The following DNAH1 variants were observed in gnomAD, a reference collection of about 807,000 sequenced individuals.
DNAH1 encodes axonemal beta dynein heavy chain 1.
DNAH1 carries 327 observed loss-of-function variants against 484.3 expected under a neutral mutation model. The observed-to-expected ratio is 0.68, with a 90% CI of 0.62 to 0.74. DNAH1 has a LOEUF of 0.74. Among genes scored for constraint, DNAH1 ranks in the 30% least tolerant of loss-of-function variants. The pLI, the probability that DNAH1 is intolerant of heterozygous loss-of-function variation, is 0.00. For missense variants in DNAH1, 5,052 were observed against 5,546.8 expected, an observed-to-expected ratio of 0.91 and a Z score of 2.83; for synonymous variants, 2,192 against 2,191.9, an observed-to-expected ratio of 1.00 and a Z score of 0.00.
At chr3:52,322,366 CAG>C in intron 1 of DNAH1, 41 bp from the exon 2 acceptor site, 1 of 1,414,526 alleles carries the variant, frequency 7.1e-7, no homozygotes, top group Non-Finnish European at 9.6e-7. Flanking sequence ...GGGGCTAAGA[CAG>C]AGGCTGGCAA....
intron 36 of DNAH1, among the ~76,000 whole-genome samples, chr3:52,367,643 C>T (rs538578446): frequency 5.0e-4 from 76 of 151,984 alleles, no homozygotes; most frequent in Non-Finnish European, 8.8e-4. Context: ...GGCGCCATCT[C>T]GGCTCACCGC....
At position 52,360,431 on chromosome 3, in the gene DNAH1, G is replaced by A. The variant is rs759042521; in HGVS notation, c.4685+7G>A. 13 of 1,610,178 alleles carry A rather than the reference G, an allele frequency of 8.1e-6. No individual in the cohort carries two copies. The highest frequency in any genetic ancestry group is 4.4e-5 in the South Asian group (4 of 90,856). On this transcript the variant is annotated splice_region_variant and intron_variant, in intron 28 of 77. Coordinates refer to ENST00000420323, the MANE Select transcript of DNAH1 (RefSeq NM_015512.5). The stretch of plus-strand genomic sequence containing the variant: ...TCACGCCCCTCACCGACAGGTAAGC[G>A]TTCCCCTCTTGCTCCTTCCCACACT...
chr3:52,374,050 A>G (rs1002323943), intron 44 of DNAH1: 4 of 1,014,576 alleles, frequency 3.9e-6, no homozygotes, highest in Admixed American at 1.7e-5. Flanking sequence ...AGAAGTTTGT[A>G]TTGCAGCTTT....
rs1465711189 is a variant in DNAH1, at chr3:52,345,562, C to G, written c.1512C>G (p.Leu504=). The change falls in exon 10 of 78, where the codon CTC becomes CTG. Residue 504 remains leucine (L), a synonymous_variant. Transcript: ENST00000420323. ...AGGACTTCACTTTCGTGTCCCTGCT[C>G]ACACGGCCAGAGGTCATCACGGCCC... The part of the protein sequence containing the change: ...QKEDFTFVSL[L]TRPEVITALS... 6.3e-7 allele frequency: 1 copy of G among 1,595,268 alleles called. No individual in the cohort carries two copies. The highest frequency in any genetic ancestry group is 2.3e-5 in the East Asian group (1 of 43,936).
intron 58 of DNAH1, 49 bp from the exon 59 acceptor site, chr3:52,388,757 G>T (rs369193958): frequency 1.2e-6 from 2 of 1,608,852 alleles, no homozygotes; most frequent in East Asian, 4.5e-5. Flanking sequence ...CCAGCCCCAG[G>T]CCCCTAGCCC....
chr3:52,371,328 C>A (rs1703330708), intron 41 of DNAH1, among the ~76,000 whole-genome samples: 2 of 152,270 alleles, frequency 1.3e-5, no homozygotes, highest in Non-Finnish European at 2.9e-5. Context: ...GAGACCTGTC[C>A]ATTACTGTGC....
intron 60 of DNAH1, among the ~76,000 whole-genome samples, chr3:52,390,625 C>T (rs1238075192): frequency 6.6e-6 from 1 of 152,114 alleles, no homozygotes; most frequent in East Asian, 1.9e-4. Flanking sequence ...GGCAAGAGGA[C>T]AAAAAGGCAC....
At chr3:52,348,863 C>T (rs1339254788) in intron 12 of DNAH1, 25 bp from the exon 13 acceptor site, 1 of 1,607,854 alleles carries the variant, frequency 6.2e-7, no homozygotes, top group East Asian at 2.2e-5. Context: ...CCAGGTCTGC[C>T]CTGCCACATG....
chr3:52,373,159 A>G (rs560713251), intron 44 of DNAH1, 106 bp downstream of exon 44: 132 of 1,231,004 alleles, frequency 1.1e-4, no homozygotes, highest in African/African-American at 1.7e-4. Context: ...ACCCACAAAA[A>G]TGTTTTAATT....
chr3:52,356,697 G>T lies in DNAH1; in HGVS notation c.3777G>T (p.Gln1259His). ...PIFSSEDINQ[Q>H]LPVESKRYQT... ...TTAGCTCTGAGGACATCAACCAGCA[G>T]CTGCCTGTGGAGAGCAAGCGCTACC... Residue 1259 changes from glutamine to histidine, a missense_variant, in exon 22 of 78, where the codon CAG becomes CAT. Gln to His is a conservative substitution (Grantham distance 24, BLOSUM62 0). Transcript: ENST00000420323. 6.2e-7 allele frequency: 1 copy of T among 1,613,932 alleles called. No homozygotes were observed. Among genetic ancestry groups the T allele is most frequent in the Non-Finnish European group, 8.5e-7 (1 of 1,179,892 alleles).
Position 52,384,997 on chromosome 3 carries a change from C to G in DNAH1, c.8514+20C>G. 2 of 1,603,370 alleles carry G rather than the reference C, an allele frequency of 1.2e-6. No homozygotes were observed. Among genetic ancestry groups the G allele is most frequent in the Non-Finnish European group, 8.5e-7 (1 of 1,174,818 alleles). On this transcript the variant is annotated intron_variant, in intron 53 of 77. Transcript: ENST00000420323. ...GACAAGGTGGGCCCAGGCGAGTCCC[C>G]GTGGACAAGGTCAGCTGCCTGCAGG... is the stretch of plus-strand genomic sequence containing the variant.
chr3:52,366,567 G>T lies in DNAH1; in HGVS notation c.5610+19G>T. On this transcript the variant is annotated intron_variant, in intron 35 of 77. Transcript: ENST00000420323. ...GAGTACTGTAAGCAGAGCCAAGCTT[G>T]GCAGCCAGTGTCCGGATAGTGGGCC... The T allele has an allele frequency of 1.9e-6, 3 of 1,577,662 alleles. No individual in the cohort carries two copies. Among genetic ancestry groups the T allele is most frequent in the Non-Finnish European group, 2.6e-6 (3 of 1,162,474 alleles).
In DNAH1 at chr3:52,359,345, G is replaced by A. The variant is rs766683439; in HGVS notation, c.4366G>A (p.Gly1456Ser). 19 of 1,570,200 alleles carry A rather than the reference G, an allele frequency of 1.2e-5. No homozygotes were observed. Among genetic ancestry groups the A allele is most frequent in the Admixed American group, 7.3e-5 (4 of 54,776 alleles). ...TMEVAEALEA[G>S]NLRSQLFPQL... ...GGAGGTGGCAGAGGCTCTGGAGGCC[G>A]GCAACCTCAGAAGCCAACTGTTCCC... The change falls in exon 26 of 78, where the codon GGC becomes AGC. Residue 1456 changes from glycine (G) to serine (S), a missense_variant. By Grantham distance (56) the Gly-to-Ser change is moderately conservative. Coordinates refer to ENST00000420323, the MANE Select transcript of DNAH1 (RefSeq NM_015512.5).
At chr3:52,389,358 T>G in intron 59 of DNAH1, 103 bp from the exon 60 acceptor site, 9 of 1,524,982 alleles carry the variant, frequency 5.9e-6, no homozygotes, top group Admixed American at 1.9e-5. Flanking sequence ...GCTCCATGTC[T>G]GAGCTCAGAT....
chr3:52,331,196 TC>T lies in DNAH1; in HGVS notation c.922del (p.Leu308TrpfsTer30). 3 of 1,607,508 alleles carry T rather than the reference TC, an allele frequency of 1.9e-6. No individual in the cohort carries two copies. Among genetic ancestry groups the T allele is most frequent in the Non-Finnish European group, 2.5e-6 (3 of 1,177,028 alleles). On this transcript the variant is annotated frameshift_variant, in exon 7 of 78. Coordinates refer to ENST00000420323, the MANE Select transcript of DNAH1 (RefSeq NM_015512.5). LOFTEE classifies it high-confidence loss of function. ...KLKYKWCEVG[V>X]LDYDEEKKLY... ...AAGTACAAATGGTGCGAGGTCGGCG[TC>T]CTGGACTACGACGAGGAGAAGAAGC...
At chr3:52,318,382 T>C (rs1229414705) in intron 1 of DNAH1, among the ~76,000 whole-genome samples, 2 of 152,236 alleles carry the variant, frequency 1.3e-5, no homozygotes, top group African/African-American at 4.8e-5. Flanking sequence ...AGTGAAGTCC[T>C]GTACTTGCCA....
chr3:52,362,527 G>A lies in DNAH1; in HGVS notation c.5094+26G>A, dbSNP rs1417545975. On this transcript the variant is annotated intron_variant, in intron 31 of 77. Coordinates refer to ENST00000420323, the MANE Select transcript of DNAH1 (RefSeq NM_015512.5). This position sits in a 1 kb window ranked among gnomAD's most constrained non-coding sequence, Gnocchi z 5.1. Reference sequence around the variant, plus strand: ...GCAAGTGCAGGCCCAGAGTGGCCCAGGAAGCACCAGAGCTCTAGCCTGAGT... The same window carrying A: ...GCAAGTGCAGGCCCAGAGTGGCCCAAGAAGCACCAGAGCTCTAGCCTGAGT... 1 of 1,595,416 alleles carries A rather than the reference G, an allele frequency of 6.3e-7. No homozygotes were observed.
rs769030420 is a variant in DNAH1 at position 52,357,741 on chromosome 3, C to G, written c.3980+6C>G. The G allele has an allele frequency of 1.3e-6, 2 of 1,574,318 alleles. No homozygotes were observed. The highest frequency in any genetic ancestry group is 1.7e-6 in the Non-Finnish European group (2 of 1,159,960). ...AAGAGGAGCGCCTTCCCCAGGTGGG[C>G]GCCACCTGGCCATGCCCACTCCGCC... On this transcript the variant is annotated splice_donor_region_variant and intron_variant, in intron 23 of 77. Transcript: ENST00000420323.
chr3:52,357,115 A>G (rs757361451), intron 22 of DNAH1, among the ~76,000 whole-genome samples: 3 of 150,928 alleles, frequency 2.0e-5, no homozygotes, highest in South Asian at 2.1e-4. Flanking sequence ...GCTCACTGCA[A>G]CCTTCACCTC....
Sources: allele counts gnomAD v4.1 joint callset (sites outside exome capture counted in the v4.1 genomes callset), GRCh38; gene constraint gnomAD v4.1.1; non-coding constraint Gnocchi (gnomAD v3.1); transcripts MANE v1.5; gene names NCBI Gene and HGNC (gene_info 2026-07-23, HGNC 2026-07-21).